The following SLC14A2 variants were observed in gnomAD, a reference collection of about 807,000 sequenced individuals.
The protein encoded by SLC14A2 is solute carrier family 14 member 2.
In SLC14A2, 91 loss-of-function variants were observed where a neutral mutation model predicts 104.6. The observed-to-expected ratio is 0.87, with a 90% confidence interval of 0.73 to 1.04. SLC14A2 has a LOEUF of 1.04. Ranked by LOEUF, SLC14A2 falls within the 50% of genes least tolerant of loss-of-function variation. The pLI, the probability that SLC14A2 is intolerant of heterozygous loss-of-function variation, is 0.00. For missense variants in SLC14A2, 1,189 were observed against 1,156.0 expected, an observed-to-expected ratio of 1.03 and a Z score of -0.41; for synonymous variants, 476 against 466.4, an observed-to-expected ratio of 1.02 and a Z score of -0.27.
At chr18:45,670,052 C>G (rs375856271) in intron 16 of SLC14A2, among the ~76,000 whole-genome samples, 45 of 152,284 alleles carry the variant, frequency 3.0e-4, no homozygotes, top group African/African-American at 1.0e-3. Flanking sequence ...CGCTTGAGCC[C>G]AGGAGTTTGA....
chr18:45,380,354 A>C (rs1415131820), intron 1 of SLC14A2, among the ~76,000 whole-genome samples: 1 of 152,214 alleles, frequency 6.6e-6, no homozygotes, highest in Non-Finnish European at 1.5e-5. Flanking sequence ...AATAGAGAGC[A>C]CACACCATGA....
intron 1 of SLC14A2, among the ~76,000 whole-genome samples, chr18:45,382,240 A>T (rs932707641): frequency 6.6e-6 from 1 of 152,208 alleles, no homozygotes; most frequent in South Asian, 2.1e-4. Context: ...AGTTATTGCT[A>T]TCAGGTGTGT....
chr18:45,249,098 A>G (rs577765938), intron 1 of SLC14A2, among the ~76,000 whole-genome samples: 8 of 152,324 alleles, frequency 5.3e-5, no homozygotes, highest in African/African-American at 1.4e-4. Context: ...AGGACTACAT[A>G]TACACATGTG....
At chr18:45,263,717 G>C in intron 1 of SLC14A2, among the ~76,000 whole-genome samples, 1 of 152,138 alleles carries the variant, frequency 6.6e-6, no homozygotes, top group East Asian at 1.9e-4. Flanking sequence ...GTATTCTGCT[G>C]TTACAGATCA....
chr18:45,457,302 C>T (rs1347289447), intron 1 of SLC14A2, among the ~76,000 whole-genome samples: 3 of 151,996 alleles, frequency 2.0e-5, no homozygotes, highest in East Asian at 1.9e-4. Flanking sequence ...TCCTGAAAGC[C>T]CCCCTACCAT....
At chr18:45,194,681 TG>T in the SLC14A2 span, among the ~76,000 whole-genome samples, 1 of 128,268 alleles carries the variant, frequency 7.8e-6, no homozygotes, top group Non-Finnish European at 1.6e-5. Flanking sequence ...TGTCTCACAC[TG>T]TTGCCCAGGC....
At chr18:45,442,767 A>G (rs368543732) in intron 1 of SLC14A2, among the ~76,000 whole-genome samples, 5 of 152,216 alleles carry the variant, frequency 3.3e-5, no homozygotes, top group Admixed American at 3.3e-4. Context: ...TAAGTGTTCC[A>G]TAAAGGAAGC....
intron 4 of SLC14A2, among the ~76,000 whole-genome samples, chr18:45,630,601 A>C (rs2045327495): frequency 1.3e-5 from 2 of 152,278 alleles, no homozygotes. Flanking sequence ...CTGGAGGGAC[A>C]CTCTCCACAG....
At chr18:45,484,563 T>A (rs1354380038) in intron 2 of SLC14A2, among the ~76,000 whole-genome samples, 1 of 152,202 alleles carries the variant, frequency 6.6e-6, no homozygotes, top group Non-Finnish European at 1.5e-5. Flanking sequence ...TAATGCCAGC[T>A]ATATCCCCTT....
chr18:45,519,113 T>A (rs2043481601), intron 2 of SLC14A2, among the ~76,000 whole-genome samples: 1 of 152,172 alleles, frequency 6.6e-6, no homozygotes, highest in Admixed American at 6.5e-5. Context: ...CCAGGAGGAA[T>A]AATCATTTTA....
At chr18:45,339,555 CACACACACACACAA>C (rs1025578251) in intron 1 of SLC14A2, among the ~76,000 whole-genome samples, 4 of 151,552 alleles carry the variant, frequency 2.6e-5, no homozygotes, top group South Asian at 2.1e-4. Context: ...TTAAAATGAA[CACACACACACACAA>C]ACACACACAC....
chr18:45,249,352 C>T (rs1340809762), intron 1 of SLC14A2, among the ~76,000 whole-genome samples: 2 of 149,858 alleles, frequency 1.3e-5, no homozygotes, highest in African/African-American at 2.5e-5. Context: ...GTGTGTGTGC[C>T]TGTGTGTGTG....
chr18:45,310,725 A>G (rs2085070123), intron 1 of SLC14A2, among the ~76,000 whole-genome samples: 1 of 152,204 alleles, frequency 6.6e-6, no homozygotes, highest in Non-Finnish European at 1.5e-5. Context: ...GGTCTCTATA[A>G]CAGCAAGATA....
chr18:45,502,256 G>A (rs72912677), intron 2 of SLC14A2, among the ~76,000 whole-genome samples: 13,889 of 152,188 alleles, frequency 0.091, 778 homozygotes, highest in Non-Finnish European at 0.12. Flanking sequence ...TTCTTGGGGG[G>A]AAATCTTTGA....
At chr18:45,282,372 TA>T (rs1188476382) in intron 1 of SLC14A2, among the ~76,000 whole-genome samples, 1 of 152,192 alleles carries the variant, frequency 6.6e-6, no homozygotes, top group African/African-American at 2.4e-5. Context: ...AGCCTGGAGT[TA>T]TTCTAAGAAT....
chr18:45,346,394 G>C (rs558879506), intron 1 of SLC14A2, among the ~76,000 whole-genome samples: 2 of 152,086 alleles, frequency 1.3e-5, no homozygotes, highest in East Asian at 3.9e-4. Context: ...TGACCTCAGG[G>C]GACCTACCCG....
chr18:45,189,476 A>G, the SLC14A2 span, among the ~76,000 whole-genome samples: 8,061 of 152,292 alleles, frequency 0.053, 251 homozygotes, highest in Non-Finnish European at 0.066. Context: ...AAGAGGATAT[A>G]GCCTATGGAG....
intron 1 of SLC14A2, among the ~76,000 whole-genome samples, chr18:45,376,069 A>G (rs2085771622): frequency 1.3e-5 from 2 of 152,028 alleles, no homozygotes; most frequent in Non-Finnish European, 2.9e-5. Context: ...CACCCCCGAC[A>G]TGGACATTAA....
At chr18:45,665,548 AAAAC>A (rs549189557) in intron 11 of SLC14A2, among the ~76,000 whole-genome samples, 15 of 152,256 alleles carry the variant, frequency 9.9e-5, no homozygotes, top group Non-Finnish European at 1.9e-4. Flanking sequence ...AACAAAAACA[AAAAC>A]AAACAGAACA....
Sources: allele counts gnomAD v4.1 joint callset (sites outside exome capture counted in the v4.1 genomes callset), GRCh38; gene constraint gnomAD v4.1.1; transcripts MANE v1.5; gene names NCBI Gene and HGNC (gene_info 2026-07-23, HGNC 2026-07-21).